LRMDA: variants seen among roughly 807,000 people sequenced by gnomAD.
The protein encoded by LRMDA is leucine-rich melanocyte differentiation-associated protein.
A neutral mutation model predicts 29.8 loss-of-function variants in LRMDA; 18 were observed. The ratio of observed to expected loss-of-function variants is 0.60; its 90% CI spans 0.42 to 0.90. LRMDA has a LOEUF of 0.90. Ranked by LOEUF, LRMDA falls within the 40% of genes least tolerant of loss-of-function variation. The pLI, the probability that LRMDA is intolerant of heterozygous loss-of-function variation, is 0.00. For synonymous variants in LRMDA, 125 were observed against 109.4 expected (o/e 1.14, Z -0.89); for missense variants, 273 against 273.9 (o/e 1.00, Z 0.02).
At chr10:75,489,429 C>T (rs946004167) in intron 2 of LRMDA, among the ~76,000 whole-genome samples, 7 of 152,130 alleles carry the variant, frequency 4.6e-5, no homozygotes, top group African/African-American at 1.7e-4. Flanking sequence ...AACAACCTCC[C>T]ACAGCTTTCA....
At chr10:75,532,641 T>C (rs1048623361) in intron 2 of LRMDA, among the ~76,000 whole-genome samples, 1 of 152,182 alleles carries the variant, frequency 6.6e-6, no homozygotes, top group Admixed American at 6.5e-5. Context: ...CTTTTTTTTG[T>C]TGAAGTCCTG....
At chr10:76,009,380 A>G (rs993542595) in intron 2 of LRMDA, among the ~76,000 whole-genome samples, 2 of 152,218 alleles carry the variant, frequency 1.3e-5, no homozygotes, top group East Asian at 3.9e-4. Context: ...AAGTAAGGAA[A>G]ATAGCCTTTT....
intron 2 of LRMDA, among the ~76,000 whole-genome samples, chr10:75,707,315 G>A (rs1343705045): frequency 2.0e-5 from 3 of 152,142 alleles, no homozygotes; most frequent in South Asian, 2.1e-4. Context: ...GTAAGTGTGG[G>A]GCCCACAGAA....
chr10:76,295,294 T>C (rs1840397980), intron 5 of LRMDA, among the ~76,000 whole-genome samples: 1 of 152,232 alleles, frequency 6.6e-6, no homozygotes, highest in Non-Finnish European at 1.5e-5. Context: ...AAGACCATTT[T>C]TGTAAGGCAT....
Position 76,047,288 on chromosome 10 carries a change from A to G in LRMDA, c.383A>G (p.Asp128Gly), listed in dbSNP as rs779804957. The G allele has an allele frequency of 3.1e-6, 5 of 1,612,108 alleles. No homozygotes were observed. The highest frequency in any genetic ancestry group is 4.2e-6 in the Non-Finnish European group (5 of 1,179,088). ...ELVSLEKDEE[D>G]YKRYRCFVLY... ...GTCAGCTTGGAAAAGGATGAGGAAGACTACAAGAGATACAGGTGAGTGTCC... is the reference window on the plus strand; with the variant it reads ...GTCAGCTTGGAAAAGGATGAGGAAGGCTACAAGAGATACAGGTGAGTGTCC... The change falls in exon 4 of 7, where the codon GAC (aspartate) becomes GGC (glycine). Residue 128 changes from aspartate (D) to glycine (G), a missense_variant. Transcript: ENST00000611255.
rs531260039 is a variant in LRMDA, at chr10:75,837,072, A to C, written c.132-198936A>C. Among the ~76,000 whole-genome samples the C allele has an allele frequency of 5.3e-5, 8 of 152,316 alleles. No homozygotes were observed. In the South Asian group the frequency reaches 1.7e-3, roughly 32 times the overall value. On this transcript the variant is annotated intron_variant, in intron 2 of 6. Transcript: ENST00000611255. ...CATAGAAATCTATATTGATATACTG[A>C]TATTGATATAGATATAGATATTGAT...
At chr10:75,825,293 A>G (rs560767206) in intron 2 of LRMDA, among the ~76,000 whole-genome samples, 1 of 152,302 alleles carries the variant, frequency 6.6e-6, no homozygotes, top group South Asian at 2.1e-4. Flanking sequence ...TTTTTCTACA[A>G]ACTTTGGGTG....
chr10:75,800,582 C>A (rs1843731148), intron 2 of LRMDA, among the ~76,000 whole-genome samples: 1 of 152,060 alleles, frequency 6.6e-6, no homozygotes, highest in African/African-American at 2.4e-5. Context: ...TTTTACCTTT[C>A]AATTACAGAA....
intron 6 of LRMDA, among the ~76,000 whole-genome samples, chr10:76,327,293 A>G (rs1259573703): frequency 1.3e-5 from 2 of 151,916 alleles, no homozygotes; most frequent in African/African-American, 4.8e-5. Context: ...GGGTTTCACC[A>G]TGTTGACCAG....
chr10:75,466,142 G>A (rs1034651752), intron 2 of LRMDA, among the ~76,000 whole-genome samples: 1 of 152,236 alleles, frequency 6.6e-6, no homozygotes, highest in Non-Finnish European at 1.5e-5. Flanking sequence ...GTGGGTGCTT[G>A]CCTGGCTTCC....
intron 2 of LRMDA, among the ~76,000 whole-genome samples, chr10:75,572,284 A>G (rs544108367): frequency 1.3e-4 from 20 of 151,708 alleles, no homozygotes; most frequent in African/African-American, 4.8e-4. Context: ...ACACTTATAT[A>G]GATTTAACAA....
chr10:75,481,070 A>C, intron 2 of LRMDA, among the ~76,000 whole-genome samples: 1 of 152,074 alleles, frequency 6.6e-6, no homozygotes. Flanking sequence ...ATCGGGTTTG[A>C]GGTGCCTTTG....
intron 5 of LRMDA, among the ~76,000 whole-genome samples, chr10:76,173,472 G>T (rs1001630426): frequency 6.6e-6 from 1 of 152,160 alleles, no homozygotes; most frequent in African/African-American, 2.4e-5. Flanking sequence ...TAAGGAACCA[G>T]ATAGAAGGCA....
intron 5 of LRMDA, among the ~76,000 whole-genome samples, chr10:76,124,598 G>T (rs1249096819): frequency 1.3e-5 from 2 of 152,244 alleles, no homozygotes; most frequent in Non-Finnish European, 2.9e-5. Flanking sequence ...GAACTCAATA[G>T]TAATTGAACC....
At chr10:75,432,806 T>A (rs1006257083) in intron 1 of LRMDA, among the ~76,000 whole-genome samples, 1 of 152,198 alleles carries the variant, frequency 6.6e-6, no homozygotes, top group Non-Finnish European at 1.5e-5. Flanking sequence ...AGCCGCTGCC[T>A]GTTTTCTTTT....
At chr10:76,380,360 T>C (rs1841574795) in intron 6 of LRMDA, among the ~76,000 whole-genome samples, 1 of 152,104 alleles carries the variant, frequency 6.6e-6, no homozygotes, top group Non-Finnish European at 1.5e-5. Flanking sequence ...GTCTTATGTT[T>C]GTGTATCTTA....
At chr10:76,504,220 A>T (rs1842938458) in intron 6 of LRMDA, among the ~76,000 whole-genome samples, 1 of 151,698 alleles carries the variant, frequency 6.6e-6, no homozygotes, top group Non-Finnish European at 1.5e-5. Flanking sequence ...AACTTTTTTG[A>T]ATTTATTGAG....
intron 2 of LRMDA, among the ~76,000 whole-genome samples, chr10:75,508,258 TG>T (rs1845189746): frequency 9.5e-6 from 1 of 104,964 alleles, no homozygotes; most frequent in Admixed American, 1.1e-4. Context: ...ATTATGGTGG[TG>T]TTTTTTTCCC....
intron 2 of LRMDA, among the ~76,000 whole-genome samples, chr10:75,832,388 C>T (rs998321901): frequency 6.6e-6 from 1 of 152,188 alleles, no homozygotes; most frequent in Admixed American, 6.5e-5. Context: ...ACAAGTTCCT[C>T]ATCTTCATCT....
Sources: allele counts gnomAD v4.1 joint callset (sites outside exome capture counted in the v4.1 genomes callset), GRCh38; gene constraint gnomAD v4.1.1; transcripts MANE v1.5; gene names NCBI Gene and HGNC (gene_info 2026-07-23, HGNC 2026-07-21).